TPX2: variants seen among roughly 807,000 people sequenced by gnomAD.
The protein encoded by TPX2 is TPX2 microtubule nucleation factor, also known as targeting protein for Xklp2.
A neutral mutation model predicts 93.6 loss-of-function variants in TPX2; 21 were observed. The observed-to-expected ratio is 0.22, with a 90% confidence interval of 0.16 to 0.32. TPX2 has a LOEUF of 0.32. TPX2 is among the 10% of genes least tolerant of loss of function. TPX2 has a pLI of 1.00. For synonymous variants in TPX2, 281 were observed against 298.3 expected (o/e 0.94, Z 0.60); for missense variants, 776 against 871.1 (o/e 0.89, Z 1.37).
intron 12 of TPX2, among the ~76,000 whole-genome samples, chr20:31,788,503 A>T (rs1398538494): frequency 1.3e-5 from 2 of 151,350 alleles, no homozygotes; most frequent in African/African-American, 4.9e-5. Context: ...CCAGAGCCTG[A>T]TGCAGCTTGT....
intron 15 of TPX2, 90 bp from the exon 16 acceptor site, chr20:31,797,314 A>G: frequency 1.8e-6 from 2 of 1,118,692 alleles, no homozygotes; most frequent in Non-Finnish European, 2.6e-6. Flanking sequence ...TTTATTGATG[A>G]AGCAGTTCAG....
chr20:31,770,385 A>C lies in TPX2; in HGVS notation c.399A>C (p.Lys133Asn), dbSNP rs1427543760. The change falls in exon 6 of 18, where the codon AAA becomes AAC. Residue 133 changes from lysine to asparagine, a missense_variant. Coordinates refer to ENST00000300403, the MANE Select transcript of TPX2 (RefSeq NM_012112.5). ...CTGCTCAGAAGGATTTGGAACAGAA[A>C]GAAAAGCATCATGTAAAAATGAAAG... ...RLSAQKDLEQ[K>N]EKHHVKMKAK... 6.2e-7 allele frequency: 1 copy of C among 1,606,444 alleles called. No homozygotes were observed. The highest frequency in any genetic ancestry group is 8.5e-7 in the Non-Finnish European group (1 of 1,175,956).
At chr20:31,749,048 C>A (rs546322346) in intron 2 of TPX2, among the ~76,000 whole-genome samples, 4 of 151,748 alleles carry the variant, frequency 2.6e-5, no homozygotes, top group African/African-American at 9.7e-5. Flanking sequence ...TGGGTTCACG[C>A]CATTCTCCTG....
intron 12 of TPX2, 96 bp downstream of exon 12, chr20:31,784,017 G>A: frequency 7.5e-7 from 1 of 1,330,514 alleles, no homozygotes; most frequent in East Asian, 2.3e-5. Flanking sequence ...TATGAGCAGG[G>A]CATCATATTA....
chr20:31,744,040 A>G (rs2061768971), intron 2 of TPX2, among the ~76,000 whole-genome samples: 1 of 151,534 alleles, frequency 6.6e-6, no homozygotes, highest in Non-Finnish European at 1.5e-5. Flanking sequence ...TTTTTCCCCC[A>G]AATATTTTTG....
chr20:31,783,725 A>G lies in TPX2; in HGVS notation c.1217A>G (p.Glu406Gly). 1 of 1,605,754 alleles carries G rather than the reference A, an allele frequency of 6.2e-7. No homozygotes were observed. Among genetic ancestry groups the G allele is most frequent in the South Asian group, 1.1e-5 (1 of 88,834 alleles). Residue 406 changes from glutamate to glycine, a missense_variant, in exon 12 of 18, where the codon GAA becomes GGA. Physicochemically the swap from Glu to Gly is moderately conservative, Grantham distance 98 (BLOSUM62 -2). Transcript: ENST00000300403. ...TACAGATACAAATTCAAAGCACGTG[A>G]ACTTGATCCCAGAATACTTGAAGGT... ...KLQQYKFKAR[E>G]LDPRILEGGP... is the part of the protein sequence containing the mutation.
intron 5 of TPX2, 92 bp from the exon 6 acceptor site, chr20:31,770,251 T>G: frequency 1.1e-6 from 1 of 890,480 alleles, no homozygotes; most frequent in Non-Finnish European, 1.5e-6. Context: ...TATTGCCCTT[T>G]GTAGTTTGAC....
chr20:31,796,919 A>G (rs2062142316), intron 15 of TPX2, among the ~76,000 whole-genome samples: 1 of 151,970 alleles, frequency 6.6e-6, no homozygotes, highest in Non-Finnish European at 1.5e-5. Context: ...AATATGTATA[A>G]TGTGTAATGA....
At chr20:31,781,026 C>A (rs374162826) in intron 10 of TPX2, 491 of 346,784 alleles carry the variant, frequency 1.4e-3, no homozygotes, top group African/African-American at 8.8e-3. Flanking sequence ...CTCAAGCAAT[C>A]CTCCTGCCTT....
intron 12 of TPX2, among the ~76,000 whole-genome samples, chr20:31,790,812 C>T (rs1248234533): frequency 1.3e-5 from 2 of 152,136 alleles, no homozygotes; most frequent in Non-Finnish European, 2.9e-5. Context: ...CCTCGAAGCA[C>T]TCAGGCTAGC....
At position 31,747,002 on chromosome 20, in the gene TPX2, TCTC is replaced by T. The variant is rs148811801; in HGVS notation, c.-71+4358_-71+4360del. Among the ~76,000 whole-genome samples the T allele has an allele frequency of 5.3e-3, 808 of 152,252 alleles. 5 individuals are homozygous for T. The highest frequency in any genetic ancestry group is 0.018 in the African/African-American group (753 of 41,534). ...CATCTCTGATCCTCTTTTATGCTGT[TCTC>T]CTTCTCTGCACTTCCAGAGCGCTCT... On this transcript the variant is annotated intron_variant, in intron 2 of 17. Coordinates refer to ENST00000300403, the MANE Select transcript of TPX2 (RefSeq NM_012112.5).
At chr20:31,751,559 G>A (rs2061819735) in intron 2 of TPX2, among the ~76,000 whole-genome samples, 1 of 152,142 alleles carries the variant, frequency 6.6e-6, no homozygotes, top group Admixed American at 6.6e-5. Context: ...TTACAATAGT[G>A]TATTTCATAG....
chr20:31,754,039 CA>C (rs1261274561), intron 2 of TPX2, among the ~76,000 whole-genome samples: 1 of 151,780 alleles, frequency 6.6e-6, no homozygotes, highest in Non-Finnish European at 1.5e-5. Context: ...CAAAACAAAA[CA>C]AAAACAACAA....
At chr20:31,797,662 T>G in intron 16 of TPX2, 147 bp downstream of exon 16, 3 of 681,924 alleles carry the variant, frequency 4.4e-6, no homozygotes, top group Non-Finnish European at 4.7e-6. Context: ...CTAGACCCAG[T>G]TTTTTGCCTT....
intron 15 of TPX2, among the ~76,000 whole-genome samples, chr20:31,794,786 G>GTGTA (rs1441511824): frequency 1.1e-4 from 17 of 151,084 alleles, no homozygotes; most frequent in African/African-American, 4.1e-4. Flanking sequence ...GTGTGTGTGT[G>GTGTA]TGTGTATGTG....
At chr20:31,750,783 T>C (rs879370513) in intron 2 of TPX2, among the ~76,000 whole-genome samples, 1 of 152,192 alleles carries the variant, frequency 6.6e-6, no homozygotes, top group Admixed American at 6.5e-5. Context: ...TTTCCTTAAA[T>C]CAAGAGATTA....
rs6060952 is a variant in TPX2, at chr20:31,794,305, T to G, written c.1687-97T>G. 0.3 allele frequency: 443,264 copies of G among 1,473,892 alleles called. 78,965 individuals carry two copies. The highest frequency in any genetic ancestry group is 0.77 in the African/African-American group (54,177 of 70,668). 91.3% of individuals were successfully genotyped at this position (1,473,892 alleles called of 1,614,324 possible). ...ATTCTTTCATGCTGCTTTGAAAGGT[T>G]TCCTTCCTTATTTTTCAGATTCTTC... On this transcript the variant is annotated intron_variant, in intron 14 of 17. Coordinates refer to ENST00000300403, the MANE Select transcript of TPX2 (RefSeq NM_012112.5).
At chr20:31,747,396 G>A (rs1215171502) in intron 2 of TPX2, among the ~76,000 whole-genome samples, 1 of 152,150 alleles carries the variant, frequency 6.6e-6, no homozygotes, top group Non-Finnish European at 1.5e-5. Context: ...GGGATTACAG[G>A]CATAAGTCAC....
intron 6 of TPX2, among the ~76,000 whole-genome samples, chr20:31,771,085 T>C (rs990414123): frequency 1.3e-5 from 2 of 152,148 alleles, no homozygotes; most frequent in Admixed American, 6.6e-5. Flanking sequence ...GAAACTTAAG[T>C]CTTTCGCAGC....
Sources: gnomAD v4.1 joint callset for allele counts (sites outside exome capture counted in the v4.1 genomes callset) on GRCh38, gnomAD v4.1.1 for gene constraint, MANE v1.5 for transcripts, NCBI Gene and HGNC (gene_info 2026-07-23, HGNC 2026-07-21) for gene names.